RAD51C: variants seen among roughly 807,000 people sequenced by gnomAD.
RAD51C encodes the protein RAD51 paralog C.
Under a neutral mutation model 45.0 loss-of-function variants are expected in RAD51C, and 42 were observed. The observed-to-expected ratio is 0.93, with a 90% CI of 0.73 to 1.21. The LOEUF (loss-of-function observed/expected upper bound fraction) is 1.21, where lower values mean the gene tolerates loss of function less well. RAD51C is among the 50% of genes most tolerant of loss of function. The probability of loss-of-function intolerance (pLI) is 0.00; values close to 1 mark genes in which losing one functional copy is unlikely to be tolerated. For synonymous variants in RAD51C, 172 were observed against 159.8 expected (o/e 1.08, Z -0.58); for missense variants, 474 against 452.2 (o/e 1.05, Z -0.44).
chr17:58,692,732 C>T lies in RAD51C; in HGVS notation c.89C>T (p.Ala30Val), dbSNP rs1000113630. 8.7e-6 allele frequency: 14 copies of T among 1,614,082 alleles called. No homozygotes were observed. Among genetic ancestry groups the T allele is most frequent in the Middle Eastern group, 1.6e-4 (1 of 6,084 alleles). ...GCGGTGCGGGTGAAGCTGGTGTCTG[C>T]GGGGTTCCAGACTGCTGAGGAACTC... The part of the protein sequence containing the change: ...SPAVRVKLVS[A>V]GFQTAEELLE... Residue 30 changes from alanine (A) to valine (V), a missense_variant, in exon 1 of 9, where the codon GCG becomes GTG. Transcript: ENST00000337432.
At chr17:58,695,833 G>A (rs139412530) in intron 2 of RAD51C, among the ~76,000 whole-genome samples, 6,199 of 151,756 alleles carry the variant, frequency 0.041, 251 homozygotes, top group African/African-American at 0.1. Flanking sequence ...TTGGGAGGCT[G>A]AGGCGGGTGG....
intron 8 of RAD51C, 82 bp downstream of exon 8, chr17:58,732,626 T>C: frequency 1.5e-6 from 2 of 1,349,948 alleles, no homozygotes; most frequent in Non-Finnish European, 2.1e-6. Flanking sequence ...CTTGCTTCTG[T>C]CAACTTCTGT....
chr17:58,709,530 G>A (rs1009650344), intron 4 of RAD51C: 1 of 200,748 alleles, frequency 5.0e-6, no homozygotes, highest in African/African-American at 2.4e-5. Flanking sequence ...GGGTTTTAAG[G>A]TTTTTTCCTG....
At chr17:58,698,469 C>T (rs1335372342) in intron 3 of RAD51C, among the ~76,000 whole-genome samples, 1 of 151,592 alleles carries the variant, frequency 6.6e-6, no homozygotes, top group Admixed American at 6.6e-5. Context: ...CAGGCATGAG[C>T]CACCGCACCC....
At chr17:58,719,278 T>A (rs1348892029) in intron 5 of RAD51C, among the ~76,000 whole-genome samples, 1 of 151,992 alleles carries the variant, frequency 6.6e-6, no homozygotes, top group Non-Finnish European at 1.5e-5. Context: ...GGTGACAGAA[T>A]CATGGCTCAC....
intron 7 of RAD51C, among the ~76,000 whole-genome samples, chr17:58,730,312 G>A (rs945221952): frequency 4.6e-5 from 7 of 150,572 alleles, no homozygotes; most frequent in East Asian, 1.9e-4. Flanking sequence ...TTACAGGTGC[G>A]TGCCACCACG....
intron 7 of RAD51C, among the ~76,000 whole-genome samples, chr17:58,728,814 G>A (rs1473544155): frequency 1.3e-5 from 2 of 152,070 alleles, no homozygotes; most frequent in African/African-American, 4.8e-5. Flanking sequence ...TTAGACTAAT[G>A]ATGGAATAAT....
At chr17:58,693,679 A>C (rs1474216610) in intron 1 of RAD51C, 1 of 152,196 alleles carries the variant, frequency 6.6e-6, no homozygotes, top group Non-Finnish European at 1.5e-5. Context: ...ATGATCACTA[A>C]CAACTATTGA....
In RAD51C at chr17:58,692,807, A is replaced by C; in HGVS notation, c.145+19A>C. ...AGCAAAGGTAACGACTCCTGATGGC[A>C]AGCTGAGGCACACCGGCCGCCGTCA... On this transcript the variant is annotated intron_variant, in intron 1 of 8. Transcript: ENST00000337432. 1.2e-6 allele frequency: 2 copies of C among 1,614,108 alleles called. No individual in the cohort carries two copies. The highest frequency in any genetic ancestry group is 1.7e-6 in the Non-Finnish European group (2 of 1,179,998).
chr17:58,728,910 T>A (rs1482525809), intron 7 of RAD51C, among the ~76,000 whole-genome samples: 1 of 152,226 alleles, frequency 6.6e-6, no homozygotes, highest in Non-Finnish European at 1.5e-5. Flanking sequence ...CATGGTTATA[T>A]GAGGCCAAGA....
chr17:58,733,915 AC>A (rs1797813894), intron 8 of RAD51C, among the ~76,000 whole-genome samples: 1 of 152,046 alleles, frequency 6.6e-6, no homozygotes, highest in African/African-American at 2.4e-5. Flanking sequence ...GATAGGGGTC[AC>A]CATGTTGGCC....
chr17:58,703,138 T>C (rs2143795286), intron 3 of RAD51C, 58 bp from the exon 4 acceptor site: 1 of 1,561,084 alleles, frequency 6.4e-7, no homozygotes, highest in Non-Finnish European at 8.8e-7. Flanking sequence ...ATTGTTTTTC[T>C]ACAATTGCCA....
Position 58,735,498 on chromosome 17 carries a change from C to G in RAD51C, c.*1276C>G, listed in dbSNP as rs1002250808. The G allele has an allele frequency of 2.0e-5, 3 of 152,058 alleles. No homozygotes were observed. The highest frequency in any genetic ancestry group is 4.4e-5 in the Non-Finnish European group (3 of 68,002). 9.4% of individuals were successfully genotyped at this position (152,058 alleles called of 1,614,324 possible). On this transcript the variant is annotated 3_prime_UTR_variant, in exon 9 of 9. Transcript: ENST00000337432. ...AGATGTGAGCCACCACACCTGGCCTCATTTCTATATTTTGAAACACGGTAT... is the reference window on the plus strand; with the variant it reads ...AGATGTGAGCCACCACACCTGGCCTGATTTCTATATTTTGAAACACGGTAT...
intron 7 of RAD51C, among the ~76,000 whole-genome samples, chr17:58,729,902 C>A (rs1053701500): frequency 6.6e-6 from 1 of 151,832 alleles, no homozygotes; most frequent in Admixed American, 6.6e-5. Flanking sequence ...CATGTAAATG[C>A]TTCTTAAAAG....
chr17:58,714,019 C>G (rs2048647362), intron 5 of RAD51C, among the ~76,000 whole-genome samples: 1 of 151,312 alleles, frequency 6.6e-6, no homozygotes, highest in Non-Finnish European at 1.5e-5. Context: ...GAGTCTTCCT[C>G]TCTCACCCAG....
At chr17:58,733,365 A>T (rs972795908) in intron 8 of RAD51C, among the ~76,000 whole-genome samples, 2 of 152,148 alleles carry the variant, frequency 1.3e-5, no homozygotes, top group Non-Finnish European at 2.9e-5. Context: ...TCTGAAACTG[A>T]ATTATCCACT....
At chr17:58,715,419 A>G (rs1219217364) in intron 5 of RAD51C, among the ~76,000 whole-genome samples, 1 of 139,634 alleles carries the variant, frequency 7.2e-6, no homozygotes, top group Non-Finnish European at 1.5e-5. Context: ...GCGCCATTGC[A>G]CTCCAGCCTG....
intron 4 of RAD51C, among the ~76,000 whole-genome samples, chr17:58,704,930 G>A (rs890316739): frequency 2.0e-5 from 3 of 148,438 alleles, no homozygotes; most frequent in Non-Finnish European, 3.0e-5. Flanking sequence ...TTTTTGAGTC[G>A]CCCAGTCTGA....
At chr17:58,730,485 G>A (rs552108549) in intron 7 of RAD51C, among the ~76,000 whole-genome samples, 2 of 151,966 alleles carry the variant, frequency 1.3e-5, no homozygotes, top group Non-Finnish European at 2.9e-5. Flanking sequence ...CCTCAACATA[G>A]CTATTCTTGT....
Sources: gnomAD v4.1 joint callset for allele counts (sites outside exome capture counted in the v4.1 genomes callset) on GRCh38, gnomAD v4.1.1 for gene constraint, MANE v1.5 for transcripts, NCBI Gene and HGNC (gene_info 2026-07-23, HGNC 2026-07-21) for gene names.